ARHGAP28: variants seen among roughly 807,000 people sequenced by gnomAD.
ARHGAP28 encodes the protein rho GTPase-activating protein 28.
In ARHGAP28, 56 loss-of-function variants were observed where a neutral mutation model predicts 90.7. That is an observed-to-expected ratio of 0.62 (90% confidence interval 0.50 to 0.77). ARHGAP28 has a LOEUF of 0.77. Among genes scored for constraint, ARHGAP28 ranks in the 30% least tolerant of loss-of-function variants. The pLI, the probability that ARHGAP28 is intolerant of heterozygous loss-of-function variation, is 0.00. For missense variants in ARHGAP28, 869 were observed against 900.9 expected (o/e 0.96, Z 0.45); for synonymous variants, 308 against 323.3 (o/e 0.95, Z 0.51).
intron 1 of ARHGAP28, among the ~76,000 whole-genome samples, chr18:6,820,463 GA>G (rs769773102): frequency 6.6e-6 from 1 of 152,164 alleles, no homozygotes; most frequent in Non-Finnish European, 1.5e-5. Flanking sequence ...GGAGTTCCAG[GA>G]GAGGAGAGAG....
intron 3 of ARHGAP28, chr18:6,850,684 G>T (rs2056903072): frequency 1.3e-6 from 1 of 750,584 alleles, no homozygotes; most frequent in East Asian, 2.8e-5. Context: ...TATCTTACTG[G>T]ATGGAACCAT....
chr18:6,855,836 C>T (rs2056948891), intron 4 of ARHGAP28, among the ~76,000 whole-genome samples: 2 of 152,334 alleles, frequency 1.3e-5, no homozygotes, highest in South Asian at 2.1e-4. Context: ...CTGGTCCAGC[C>T]GTAGCCTTGT....
At chr18:6,769,031 G>A (rs1216056505) in intron 1 of ARHGAP28, among the ~76,000 whole-genome samples, 1 of 152,056 alleles carries the variant, frequency 6.6e-6, no homozygotes. Flanking sequence ...AACAATTTCA[G>A]CTTTTATAAA....
Position 6,894,828 on chromosome 18 carries a change from C to CT in ARHGAP28, c.1849-3dup, listed in dbSNP as rs775628048. 6.8e-6 allele frequency: 11 copies of CT among 1,613,566 alleles called. No homozygotes were observed. Among genetic ancestry groups the CT allele is most frequent in the Non-Finnish European group, 5.9e-6 (7 of 1,179,704 alleles). On this transcript the variant is annotated splice_polypyrimidine_tract_variant and splice_region_variant and intron_variant, in intron 14 of 17. Transcript: ENST00000383472. The stretch of plus-strand genomic sequence containing the variant: ...AACATTACTCCTAAAGACTGTGTTT[C>CT]TTTTAGACTGCAAGCCCCAAGACTT...
chr18:6,820,661 TA>T (rs1236379634), intron 1 of ARHGAP28, among the ~76,000 whole-genome samples: 1 of 152,172 alleles, frequency 6.6e-6, no homozygotes, highest in Non-Finnish European at 1.5e-5. Context: ...ATACTATATT[TA>T]AAAGAACATC....
intron 15 of ARHGAP28, 75 bp from the exon 16 acceptor site, chr18:6,896,427 T>C: frequency 6.5e-7 from 1 of 1,533,354 alleles, no homozygotes; most frequent in Non-Finnish European, 8.9e-7. Context: ...CTGATTTTCA[T>C]ATCTCTTAAG....
intron 15 of ARHGAP28, among the ~76,000 whole-genome samples, chr18:6,895,341 G>A (rs1357356352): frequency 6.6e-6 from 1 of 152,026 alleles, no homozygotes; most frequent in African/African-American, 2.4e-5. Flanking sequence ...GGTAATGTTA[G>A]GAGAATACTG....
intron 2 of ARHGAP28, among the ~76,000 whole-genome samples, chr18:6,828,713 A>G (rs2056693854): frequency 6.6e-6 from 1 of 152,206 alleles, no homozygotes; most frequent in Non-Finnish European, 1.5e-5. Context: ...ACTAAACAGA[A>G]GATGGAAGAG....
At chr18:6,846,463 A>T (rs2143187500) in intron 3 of ARHGAP28, among the ~76,000 whole-genome samples, 1 of 152,200 alleles carries the variant, frequency 6.6e-6, no homozygotes, top group Non-Finnish European at 1.5e-5. Context: ...CTGAAGGTAG[A>T]CCGAGGTCTG....
intron 5 of ARHGAP28, among the ~76,000 whole-genome samples, chr18:6,867,826 A>G (rs1178767723): frequency 1.3e-5 from 2 of 152,224 alleles, no homozygotes; most frequent in African/African-American, 2.4e-5. Context: ...TAGCAAAGGT[A>G]TAAGCAGCAA....
intron 5 of ARHGAP28, among the ~76,000 whole-genome samples, chr18:6,861,414 A>G (rs2056997568): frequency 6.6e-6 from 1 of 152,100 alleles, no homozygotes; most frequent in Admixed American, 6.5e-5. Context: ...TTCCCTTCAA[A>G]TTCATCCCTC....
At chr18:6,865,847 C>T (rs2057034369) in intron 5 of ARHGAP28, among the ~76,000 whole-genome samples, 1 of 152,102 alleles carries the variant, frequency 6.6e-6, no homozygotes. Flanking sequence ...GGGAAAACAC[C>T]CGTTGTGATT....
intron 3 of ARHGAP28, among the ~76,000 whole-genome samples, chr18:6,844,200 T>C (rs1191410050): frequency 3.9e-5 from 6 of 152,238 alleles, no homozygotes; most frequent in Non-Finnish European, 8.8e-5. Context: ...ATAACATATA[T>C]ATACATTTGG....
intron 11 of ARHGAP28, 85 bp downstream of exon 11, chr18:6,882,384 C>T (rs1343629653): frequency 5.2e-6 from 7 of 1,353,930 alleles, no homozygotes; most frequent in Non-Finnish European, 7.0e-6. Context: ...ATCAAATGTG[C>T]TCATGTATAG....
At chr18:6,747,899 C>T (rs2056036940) in intron 1 of ARHGAP28, among the ~76,000 whole-genome samples, 1 of 152,196 alleles carries the variant, frequency 6.6e-6, no homozygotes, top group South Asian at 2.1e-4. Context: ...AGCTGGGTAT[C>T]CAGTGTTGTG....
rs555327369 is a variant in ARHGAP28, at chr18:6,868,275, T to C, written c.811+41T>C. ...CCTGTTGAACTTCAGCTGTGTCTTCTCGCTTTTGTTCTGGCACTCAATACA... is the reference window on the plus strand; with the variant it reads ...CCTGTTGAACTTCAGCTGTGTCTTCCCGCTTTTGTTCTGGCACTCAATACA... On this transcript the variant is annotated intron_variant, in intron 6 of 17. Coordinates refer to ENST00000383472, the MANE Select transcript of ARHGAP28 (RefSeq NM_001366230.1). 18 of 1,557,596 alleles carry C rather than the reference T, an allele frequency of 1.2e-5. No homozygotes were observed. In the East Asian group the frequency reaches 4.0e-4, roughly 35 times the overall value.
chr18:6,816,787 T>C (rs569552953), intron 1 of ARHGAP28, among the ~76,000 whole-genome samples: 1 of 152,068 alleles, frequency 6.6e-6, no homozygotes, highest in Non-Finnish European at 1.5e-5. Context: ...GCCCTTACAA[T>C]TGAGAATCAT....
Position 6,824,954 on chromosome 18 carries a change from AC to A in ARHGAP28, c.317del (p.Pro106LeufsTer20). 3 of 1,531,294 alleles carry A rather than the reference AC, an allele frequency of 2.0e-6. No individual in the cohort carries two copies. The highest frequency in any genetic ancestry group is 2.6e-6 in the Non-Finnish European group (3 of 1,144,604). 94.9% of individuals were successfully genotyped at this position (1,531,294 alleles called of 1,614,324 possible). On this transcript the variant is annotated frameshift_variant, in exon 2 of 18. Transcript: ENST00000383472. LOFTEE classifies it high-confidence loss of function. ...AAGAGCCACCGCCAGCTGAGGTCACACCTGTGGATGGTAAGTTGCTGGATTT... is the reference window on the plus strand; with the variant it reads ...AAGAGCCACCGCCAGCTGAGGTCACACTGTGGATGGTAAGTTGCTGGATTT... Reference protein sequence around the residue: ...QEEPPPAEVTPVDEGELEAEW... With the variant: ...QEEPPPAEVTXVDEGELEAEW...
intron 1 of ARHGAP28, among the ~76,000 whole-genome samples, chr18:6,822,747 A>G (rs1180208790): frequency 3.3e-5 from 5 of 152,256 alleles, no homozygotes. Context: ...AGAGTCAGAT[A>G]CTACGAAAAG....
Sources: gnomAD v4.1 joint callset for allele counts (sites outside exome capture counted in the v4.1 genomes callset) on GRCh38, gnomAD v4.1.1 for gene constraint, MANE v1.5 for transcripts, NCBI Gene and HGNC (gene_info 2026-07-23, HGNC 2026-07-21) for gene names.